The following C6orf89 variants were observed in gnomAD, a reference collection of about 807,000 sequenced individuals.
C6orf89 encodes the protein bombesin receptor-activated protein C6orf89.
Under a neutral mutation model 40.7 loss-of-function variants are expected in C6orf89, and 29 were observed. The observed-to-expected ratio is 0.71, with a 90% CI of 0.53 to 0.97. The LOEUF (loss-of-function observed/expected upper bound fraction) is 0.97, where lower values mean the gene tolerates loss of function less well. Among genes scored for constraint, C6orf89 ranks in the 50% least tolerant of loss-of-function variants. The pLI, the probability that C6orf89 is intolerant of heterozygous loss-of-function variation, is 0.00. For missense variants in C6orf89, 392 were observed against 429.1 expected (o/e 0.91, Z 0.76); for synonymous variants, 165 against 152.2 (o/e 1.08, Z -0.62).
At chr6:36,874,147 G>T (rs1277181302) in intron 1 of C6orf89, among the ~76,000 whole-genome samples, 1 of 152,194 alleles carries the variant, frequency 6.6e-6, no homozygotes, top group Non-Finnish European at 1.5e-5. Context: ...AAGGGAGAAA[G>T]TTAAATAATA....
chr6:36,878,660 T>G (rs564706401), intron 1 of C6orf89, among the ~76,000 whole-genome samples: 4 of 147,554 alleles, frequency 2.7e-5, no homozygotes, highest in African/African-American at 9.7e-5. Flanking sequence ...CCTAGCTTTA[T>G]AGTCAGACAA....
intron 1 of C6orf89, among the ~76,000 whole-genome samples, chr6:36,876,781 A>T (rs1774669816): frequency 6.6e-6 from 1 of 151,374 alleles, no homozygotes; most frequent in Non-Finnish European, 1.5e-5. Flanking sequence ...GTTTTCCCTG[A>T]GCTCTGGTTA....
At chr6:36,873,667 A>G (rs1774568334) in intron 1 of C6orf89, among the ~76,000 whole-genome samples, 1 of 152,330 alleles carries the variant, frequency 6.6e-6, no homozygotes, top group African/African-American at 2.4e-5. Flanking sequence ...GAAGATGTAG[A>G]ATTTTGCCAT....
chr6:36,893,058 C>A (rs529270317), intron 1 of C6orf89, among the ~76,000 whole-genome samples: 15 of 152,236 alleles, frequency 9.9e-5, no homozygotes, highest in African/African-American at 3.6e-4. Context: ...CCTCAGCCTC[C>A]CAAGTAGCTG....
chr6:36,925,614 G>A lies in C6orf89; in HGVS notation c.*2173G>A, dbSNP rs1211425614. ...CAGACTTGAATGTAAACTTGTATTA[G>A]GGGAAAATTCTCCAAAGAGGGTTTT... On this transcript the variant is annotated 3_prime_UTR_variant, in exon 9 of 9. Coordinates refer to ENST00000480824, the MANE Select transcript of C6orf89 (RefSeq NM_001286635.2). 1 of 152,114 alleles carries A rather than the reference G, an allele frequency of 6.6e-6. No individual in the cohort carries two copies. The highest frequency in any genetic ancestry group is 2.4e-5 in the African/African-American group (1 of 41,382). 9.4% of individuals were successfully genotyped at this position (152,114 alleles called of 1,614,324 possible). A position where few individuals can be genotyped will look rare whatever the true frequency, so the allele number is the denominator to read the frequency against.
At position 36,923,415 on chromosome 6, in the gene C6orf89, G is replaced by A. The variant is rs767073970; in HGVS notation, c.1018G>A (p.Asp340Asn). The change falls in exon 9 of 9, where the codon GAT becomes AAT. Residue 340 changes from aspartate to asparagine, a missense_variant. Asp to Asn is a conservative substitution (Grantham distance 23, BLOSUM62 1). Coordinates refer to ENST00000480824, the MANE Select transcript of C6orf89 (RefSeq NM_001286635.2). The stretch of plus-strand genomic sequence containing the variant: ...AGGGGTCCAGCCTTTGGTCATCTGC[G>A]ATGGAACCGCTTTCTCAGAACTGTA... ...ARGVQPLVIC[D>N]GTAFSEL 41 of 1,613,892 alleles carry A rather than the reference G, an allele frequency of 2.5e-5. No homozygotes were observed. Among genetic ancestry groups the A allele is most frequent in the Non-Finnish European group, 3.4e-5 (40 of 1,179,864 alleles).
At chr6:36,918,056 C>G (rs1483506313) in intron 7 of C6orf89, among the ~76,000 whole-genome samples, 1 of 152,232 alleles carries the variant, frequency 6.6e-6, no homozygotes, top group Admixed American at 6.5e-5. Flanking sequence ...AGCCTTGTTA[C>G]CCCACCCTGT....
chr6:36,873,072 T>A (rs1583122913), intron 1 of C6orf89, among the ~76,000 whole-genome samples: 1 of 152,240 alleles, frequency 6.6e-6, no homozygotes, highest in Admixed American at 6.5e-5. Flanking sequence ...CAACACAGAT[T>A]GACAGTTACT....
At position 36,905,963 on chromosome 6, in the gene C6orf89, C is replaced by T. The variant is rs561571697; in HGVS notation, c.403+3529C>T. Among the ~76,000 whole-genome samples, 7 of 152,340 alleles carry T rather than the reference C, an allele frequency of 4.6e-5. No individual in the cohort carries two copies. The South Asian group carries it at 1.4e-3, about 32-fold the overall frequency. On this transcript the variant is annotated intron_variant, in intron 4 of 8. Coordinates refer to ENST00000480824, the MANE Select transcript of C6orf89 (RefSeq NM_001286635.2). Reference sequence around the variant, plus strand: ...AGATATCACACTTACAGCCTGCCATCTCTGCCCTCAGTCAAGCCAGGCGCT... The same window carrying T: ...AGATATCACACTTACAGCCTGCCATTTCTGCCCTCAGTCAAGCCAGGCGCT...
At chr6:36,897,395 A>G (rs755475812) in intron 2 of C6orf89, among the ~76,000 whole-genome samples, 9 of 152,144 alleles carry the variant, frequency 5.9e-5, no homozygotes, top group Non-Finnish European at 1.2e-4. Context: ...TTGCACCCTG[A>G]AAATACTGTA....
At position 36,923,463 on chromosome 6, in the gene C6orf89, A is replaced by G; in HGVS notation, c.*22A>G. The G allele has an allele frequency of 6.3e-7, 1 of 1,585,086 alleles. No homozygotes were observed. Among genetic ancestry groups the G allele is most frequent in the Admixed American group, 1.7e-5 (1 of 59,970 alleles). On this transcript the variant is annotated 3_prime_UTR_variant, in exon 9 of 9. Coordinates refer to ENST00000480824, the MANE Select transcript of C6orf89 (RefSeq NM_001286635.2). ...GTAGGAAATAGAACTGTGCACAGGA[A>G]CAGCTTCCAGAGCCGAAAACCAGGT...
intron 4 of C6orf89, among the ~76,000 whole-genome samples, chr6:36,906,471 T>C (rs1221534172): frequency 6.6e-6 from 1 of 152,262 alleles, no homozygotes; most frequent in Admixed American, 6.5e-5. Flanking sequence ...GACTGACTTA[T>C]CTGAAGTCTC....
intron 2 of C6orf89, among the ~76,000 whole-genome samples, chr6:36,897,991 C>T (rs982576884): frequency 3.3e-5 from 5 of 152,036 alleles, no homozygotes; most frequent in Non-Finnish European, 5.9e-5. Context: ...AGCACAAACC[C>T]GAAGAAGCAC....
intron 4 of C6orf89, 116 bp from the exon 5 acceptor site, chr6:36,914,160 AAAATAAAT>A: frequency 1.0e-6 from 1 of 959,568 alleles, no homozygotes; most frequent in East Asian, 2.7e-5. Context: ...ACTCTGTCTC[AAAATAAAT>A]AAATAAATAA....
intron 1 of C6orf89, among the ~76,000 whole-genome samples, chr6:36,872,883 A>C (rs1774546294): frequency 6.6e-6 from 1 of 152,232 alleles, no homozygotes; most frequent in Non-Finnish European, 1.5e-5. Flanking sequence ...GTGCTGGATT[A>C]CAGATGTGAG....
At chr6:36,880,433 T>C (rs951932496) in intron 2 of C6orf89, among the ~76,000 whole-genome samples, 4 of 152,218 alleles carry the variant, frequency 2.6e-5, no homozygotes, top group African/African-American at 9.6e-5. Flanking sequence ...TCTAATTATA[T>C]ATGTATTGTG....
chr6:36,877,755 C>A (rs1321216851), intron 1 of C6orf89, among the ~76,000 whole-genome samples: 2 of 152,240 alleles, frequency 1.3e-5, no homozygotes, highest in Non-Finnish European at 2.9e-5. Flanking sequence ...ATAACAATAT[C>A]TCAGTAGTAA....
chr6:36,888,446 A>G (rs1410261098), intron 1 of C6orf89, among the ~76,000 whole-genome samples: 1 of 152,196 alleles, frequency 6.6e-6, no homozygotes, highest in East Asian at 1.9e-4. Context: ...AGCCTGGCCA[A>G]CATGGTGAAA....
intron 2 of C6orf89, 49 bp from the exon 3 acceptor site, chr6:36,899,377 A>G (rs1457202252): frequency 2.5e-6 from 4 of 1,589,182 alleles, no homozygotes; most frequent in South Asian, 2.2e-5. Context: ...GGAAGTACCT[A>G]AAGAAACCAC....
Sources: gnomAD v4.1 joint callset for allele counts (sites outside exome capture counted in the v4.1 genomes callset) on GRCh38, gnomAD v4.1.1 for gene constraint, MANE v1.5 for transcripts, NCBI Gene and HGNC (gene_info 2026-07-23, HGNC 2026-07-21) for gene names.